Variants in WRNIP1 observed in about 807,000 individuals in gnomAD.
The protein encoded by WRNIP1 is WRN helicase interacting protein 1, also known as ATPase WRNIP1.
A neutral mutation model predicts 56.1 loss-of-function variants in WRNIP1; 41 were observed. That is an observed-to-expected ratio of 0.73 (90% CI 0.57 to 0.95). WRNIP1 has a LOEUF of 0.95. WRNIP1 is among the 40% of genes least tolerant of loss of function. WRNIP1 has a pLI of 0.00. For synonymous variants in WRNIP1, 547 were observed against 398.1 expected (o/e 1.37, Z -4.45); for missense variants, 1,170 against 939.4 (o/e 1.25, Z -3.21).
At position 2,785,863 on chromosome 6, in the gene WRNIP1, C is replaced by T. The variant is rs1765698331; in HGVS notation, c.*581C>T. The T allele has an allele frequency of 6.5e-6, 1 of 154,892 alleles. No homozygotes were observed. The highest frequency in any genetic ancestry group is 2.4e-5 in the African/African-American group (1 of 41,420). 9.6% of individuals were successfully genotyped at this position (154,892 alleles called of 1,614,324 possible). ...CACCCCAGATGGGAAGAGTGGGGAG[C>T]TTAAGTTAAGAAGTCAGTGTTATCT... On this transcript the variant is annotated 3_prime_UTR_variant, in exon 7 of 7. Coordinates refer to ENST00000380773, the MANE Select transcript of WRNIP1 (RefSeq NM_020135.3).
rs1160974537 is a variant in WRNIP1 at position 2,786,497 on chromosome 6, C to G, written c.*1215C>G. On this transcript the variant is annotated 3_prime_UTR_variant, in exon 7 of 7. Transcript: ENST00000380773. ...TTCATCATCACCCTGGAGCTTTCCTCTGCTTCTCCCTGCACCCCATCTGAT... is the reference window on the plus strand; with the variant it reads ...TTCATCATCACCCTGGAGCTTTCCTGTGCTTCTCCCTGCACCCCATCTGAT... 1 of 152,456 alleles carries G rather than the reference C, an allele frequency of 6.6e-6. No individual in the cohort carries two copies. The highest frequency in any genetic ancestry group is 2.4e-5 in the African/African-American group (1 of 41,450). 9.4% of individuals were successfully genotyped at this position (152,456 alleles called of 1,614,324 possible).
intron 6 of WRNIP1, among the ~76,000 whole-genome samples, chr6:2,784,690 C>G (rs1581145765): frequency 6.6e-6 from 1 of 152,254 alleles, no homozygotes; most frequent in East Asian, 1.9e-4. Context: ...AGCAAAGCCT[C>G]TGCAAGTTCG....
chr6:2,770,050 C>T (rs1765207469), intron 2 of WRNIP1, 70 bp from the exon 3 acceptor site: 1 of 1,594,006 alleles, frequency 6.3e-7, no homozygotes, highest in African/African-American at 1.3e-5. Context: ...AAGGGATAGC[C>T]AACTTACATA....
At position 2,766,285 on chromosome 6, in the gene WRNIP1, G is replaced by A. The variant is rs1764978315; in HGVS notation, c.663G>A (p.Met221Ile). 3 of 1,594,480 alleles carry A rather than the reference G, an allele frequency of 1.9e-6. No homozygotes were observed. Among genetic ancestry groups the A allele is most frequent in the Non-Finnish European group, 1.7e-6 (2 of 1,171,900 alleles). The change falls in exon 1 of 7, where the codon ATG (methionine) becomes ATA (isoleucine). Residue 221 changes from methionine to isoleucine, a missense_variant. Coordinates refer to ENST00000380773, the MANE Select transcript of WRNIP1 (RefSeq NM_020135.3). ...TGGCTGCCGAGGAGATCCGACAGAT[G>A]CTACAGGGCAAGCCGCTGGCCGACA... The part of the protein sequence containing the change: ...RALAAEEIRQ[M>I]LQGKPLADTM...
At chr6:2,779,653 A>G (rs961956278) in intron 4 of WRNIP1, among the ~76,000 whole-genome samples, 161 bp downstream of exon 4, 3 of 152,214 alleles carry the variant, frequency 2.0e-5, no homozygotes, top group Non-Finnish European at 4.4e-5. Context: ...TAAGCCTTCT[A>G]CACAGGGCTG....
chr6:2,773,027 G>C (rs1442899359), intron 3 of WRNIP1: 1 of 985,280 alleles, frequency 1.0e-6, no homozygotes, highest in Non-Finnish European at 1.2e-6. Context: ...CCAGGCTGTT[G>C]AACTGCACGT....
At position 2,766,243 on chromosome 6, in the gene WRNIP1, C is replaced by T; in HGVS notation, c.621C>T (p.Arg207=). 2 of 1,489,140 alleles carry T rather than the reference C, an allele frequency of 1.3e-6. No individual in the cohort carries two copies. The highest frequency in any genetic ancestry group is 2.6e-5 in the East Asian group (1 of 37,914). The allele number at this position is 1,489,140 out of a possible 1,614,324, so 92.2% of individuals were successfully genotyped here. ...CCTTCGGGGCCAGTGGCGGGGGCCG[C>T]CCGCACCCCCGGGCGCTGGCTGCCG... ...ATAFGASGGG[R]PHPRALAAEE... Residue 207 remains arginine (R), a synonymous_variant, in exon 1 of 7, where the codon CGC becomes CGT. Transcript: ENST00000380773.
At chr6:2,773,045 G>C in intron 3 of WRNIP1, 1 of 985,420 alleles carries the variant, frequency 1.0e-6, no homozygotes, top group Non-Finnish European at 1.2e-6. Flanking sequence ...CGTGAGAGGA[G>C]GTGAGCAGGG....
At chr6:2,773,673 A>G (rs751082579) in intron 3 of WRNIP1, 16 of 985,364 alleles carry the variant, frequency 1.6e-5, no homozygotes, top group Non-Finnish European at 1.9e-5. Context: ...TGAAAATGAA[A>G]AAGTAAGCTA....
chr6:2,784,933 T>C, intron 6 of WRNIP1, 74 bp from the exon 7 acceptor site: 4 of 1,556,954 alleles, frequency 2.6e-6, no homozygotes, highest in East Asian at 4.5e-5. Context: ...CCTAGAGCTG[T>C]GTATCAGAAG....
Position 2,765,803 on chromosome 6 carries a change from G to C in WRNIP1, c.181G>C (p.Ala61Pro). ...AAGSHRAGER[A>P]KGPSPPGAKR... ...CGGGTCGCACCGCGCCGGGGAGCGG[G>C]CCAAGGGGCCCTCGCCGCCCGGCGC... Residue 61 changes from alanine (A) to proline (P), a missense_variant, in exon 1 of 7, where the codon GCC becomes CCC. Ala to Pro is a conservative substitution (Grantham distance 27). Coordinates refer to ENST00000380773, the MANE Select transcript of WRNIP1 (RefSeq NM_020135.3). 4 of 1,372,188 alleles carry C rather than the reference G, an allele frequency of 2.9e-6. No individual in the cohort carries two copies. The highest frequency in any genetic ancestry group is 3.7e-6 in the Non-Finnish European group (4 of 1,067,370). The allele number at this position is 1,372,188 out of a possible 1,614,324, so 85.0% of individuals were successfully genotyped here.
At chr6:2,776,939 G>T (rs551728085) in intron 3 of WRNIP1, among the ~76,000 whole-genome samples, 1 of 152,306 alleles carries the variant, frequency 6.6e-6, no homozygotes, top group East Asian at 1.9e-4. Context: ...TAAAGTAAAT[G>T]TTGACAGGTC....
intron 4 of WRNIP1, among the ~76,000 whole-genome samples, chr6:2,781,127 C>T (rs1765549152): frequency 1.3e-5 from 2 of 152,188 alleles, no homozygotes; most frequent in South Asian, 4.1e-4. Context: ...TTACATCATG[C>T]TCCTGAGAGG....
intron 3 of WRNIP1, chr6:2,772,950 G>T: frequency 1.0e-6 from 1 of 984,932 alleles, no homozygotes. Flanking sequence ...AGCTATTGGT[G>T]TGCATTTGTA....
At chr6:2,782,565 C>G (rs556192989) in intron 4 of WRNIP1, among the ~76,000 whole-genome samples, 1 of 152,210 alleles carries the variant, frequency 6.6e-6, no homozygotes, top group Non-Finnish European at 1.5e-5. Flanking sequence ...GTGAGACTCA[C>G]GGGAACACCA....
intron 3 of WRNIP1, chr6:2,773,821 A>T: frequency 1.0e-6 from 1 of 972,532 alleles, no homozygotes; most frequent in Admixed American, 6.7e-5. Context: ...TTTGGAGATC[A>T]AGAGAGTGAA....
At position 2,768,776 on chromosome 6, in the gene WRNIP1, A is replaced by G. The variant is rs1310009113; in HGVS notation, c.908A>G (p.Asn303Ser). The G allele has an allele frequency of 1.4e-5, 22 of 1,614,064 alleles. No homozygotes were observed. The highest frequency in any genetic ancestry group is 5.5e-5 in the South Asian group (5 of 91,038). Reference sequence around the variant, plus strand: ...TTATCTGCAACAAATGCCAAGACAAATGATGTGCGAGATGTCATAAAACAA... The same window carrying G: ...TTATCTGCAACAAATGCCAAGACAAGTGATGTGCGAGATGTCATAAAACAA... ...VTLSATNAKTNDVRDVIKQAQ... is the reference protein window; with the variant it reads ...VTLSATNAKTSDVRDVIKQAQ... The change falls in exon 2 of 7, where the codon AAT becomes AGT. Residue 303 changes from asparagine to serine, a missense_variant. Coordinates refer to ENST00000380773, the MANE Select transcript of WRNIP1 (RefSeq NM_020135.3).
intron 3 of WRNIP1, among the ~76,000 whole-genome samples, chr6:2,776,017 A>T (rs1765423229): frequency 6.6e-6 from 1 of 152,148 alleles, no homozygotes; most frequent in Non-Finnish European, 1.5e-5. Flanking sequence ...CTTAATTTTA[A>T]TATATGCTTA....
intron 5 of WRNIP1, 46 bp from the exon 6 acceptor site, chr6:2,784,278 A>T: frequency 6.3e-7 from 1 of 1,579,188 alleles, no homozygotes; most frequent in Non-Finnish European, 8.7e-7. Context: ...CCAGGAGGAC[A>T]GTGTGTGTCA....
Sources: allele counts gnomAD v4.1 joint callset (sites outside exome capture counted in the v4.1 genomes callset), GRCh38; gene constraint gnomAD v4.1.1; transcripts MANE v1.5; gene names NCBI Gene and HGNC (gene_info 2026-07-23, HGNC 2026-07-21).